Variants in CTNND2 observed in about 807,000 individuals in gnomAD.
The protein encoded by CTNND2 is catenin delta-2.
CTNND2 carries 22 observed loss-of-function variants against 144.4 expected under a neutral mutation model. The observed-to-expected ratio is 0.15, with a 90% CI of 0.11 to 0.22. The LOEUF (loss-of-function observed/expected upper bound fraction) is 0.22. Ranked by LOEUF, CTNND2 falls within the 10% of genes least tolerant of loss-of-function variation. The pLI, the probability that CTNND2 is intolerant of heterozygous loss-of-function variation, is 1.00. For synonymous variants in CTNND2, 751 were observed against 695.6 expected, an observed-to-expected ratio of 1.08 and a Z score of -1.25; for missense variants, 1,353 against 1,618.8, an observed-to-expected ratio of 0.84 and a Z score of 2.82.
chr5:11,388,814 T>C (rs901796862), intron 6 of CTNND2, among the ~76,000 whole-genome samples: 2 of 152,218 alleles, frequency 1.3e-5, no homozygotes, highest in Non-Finnish European at 2.9e-5. Flanking sequence ...TTCCAACACA[T>C]ACAGAATTGT....
chr5:11,298,901 T>C (rs770121357), intron 9 of CTNND2, among the ~76,000 whole-genome samples: 2 of 152,200 alleles, frequency 1.3e-5, no homozygotes, highest in Non-Finnish European at 2.9e-5. Flanking sequence ...TGATTTATAC[T>C]TGGTAAACAC....
chr5:11,739,343 C>T (rs1787867691), intron 1 of CTNND2, among the ~76,000 whole-genome samples: 1 of 152,122 alleles, frequency 6.6e-6, no homozygotes, highest in South Asian at 2.1e-4. Context: ...TGAGAGGAGA[C>T]CAGGTGAGTC....
intron 3 of CTNND2, among the ~76,000 whole-genome samples, chr5:11,479,257 T>C (rs1356653154): frequency 6.6e-6 from 1 of 152,200 alleles, no homozygotes; most frequent in Non-Finnish European, 1.5e-5. Flanking sequence ...GTAATTGGTT[T>C]TCTATTCTTG....
At chr5:11,273,847 G>C (rs147567158) in intron 9 of CTNND2, among the ~76,000 whole-genome samples, 2 of 152,240 alleles carry the variant, frequency 1.3e-5, no homozygotes, top group Admixed American at 6.5e-5. Context: ...AAAGTTGTGC[G>C]CCATCCTGAT....
At chr5:11,870,779 G>T (rs1278112990) in intron 1 of CTNND2, among the ~76,000 whole-genome samples, 2 of 152,184 alleles carry the variant, frequency 1.3e-5, no homozygotes, top group Non-Finnish European at 2.9e-5. Flanking sequence ...GTTAATGCCT[G>T]GAGGGAAACT....
At chr5:11,835,994 C>A (rs1396625282) in intron 1 of CTNND2, among the ~76,000 whole-genome samples, 1 of 152,088 alleles carries the variant, frequency 6.6e-6, no homozygotes, top group Non-Finnish European at 1.5e-5. Flanking sequence ...GCTTATGTCC[C>A]CAAATTTTTG....
Position 11,218,883 on chromosome 5 carries a change from AGGCACTC to A in CTNND2, c.1761+17801_1761+17807del, listed in dbSNP as rs1739494285. 2.0e-5 allele frequency among the ~76,000 whole-genome samples: 3 copies of A among 152,244 alleles called. No homozygotes were observed. In the South Asian group the frequency reaches 6.2e-4, roughly 32 times the overall value. ...GGATTGCTGGGTCTTTCTGGCAGAG[AGGCACTC>A]AGTCAATGTGCACAATTACAACAGG... On this transcript the variant is annotated intron_variant, in intron 10 of 21. Transcript: ENST00000304623.
chr5:11,018,707 CTTTTTTT>C (rs35528177), intron 17 of CTNND2, among the ~76,000 whole-genome samples: 1 of 129,606 alleles, frequency 7.7e-6, no homozygotes, highest in East Asian at 2.2e-4. Context: ...GGCCCTGACT[CTTTTTTT>C]TTTTTTTTTT....
chr5:11,597,324 A>G (rs1581584896), intron 2 of CTNND2, among the ~76,000 whole-genome samples: 1 of 152,304 alleles, frequency 6.6e-6, no homozygotes, highest in African/African-American at 2.4e-5. Flanking sequence ...TTAGGTGTCC[A>G]CAGGCTTTGC....
At chr5:10,978,767 C>T (rs985848326) in intron 21 of CTNND2, among the ~76,000 whole-genome samples, 5 of 152,230 alleles carry the variant, frequency 3.3e-5, no homozygotes, top group African/African-American at 1.2e-4. Flanking sequence ...GAGACTGAGT[C>T]AAGCACATTC....
At chr5:11,870,026 C>T (rs6554653) in intron 1 of CTNND2, among the ~76,000 whole-genome samples, 79,893 of 151,980 alleles carry the variant, frequency 0.53, 21,224 homozygotes, top group South Asian at 0.64. Context: ...CAAATACTTA[C>T]ACATAGACTG....
chr5:11,133,056 A>G (rs924508119), intron 12 of CTNND2, among the ~76,000 whole-genome samples: 1 of 152,230 alleles, frequency 6.6e-6, no homozygotes, highest in Admixed American at 6.5e-5. Context: ...TTTTTGGCTA[A>G]TGGTTACTTA....
chr5:11,131,505 C>A (rs915729081), intron 12 of CTNND2, among the ~76,000 whole-genome samples: 1 of 152,132 alleles, frequency 6.6e-6, no homozygotes, highest in South Asian at 2.1e-4. Context: ...ACAGCCTTTC[C>A]GGCTGGGCAC....
chr5:11,695,894 A>G (rs1006657967), intron 2 of CTNND2, among the ~76,000 whole-genome samples: 1 of 152,260 alleles, frequency 6.6e-6, no homozygotes. Flanking sequence ...ACTTAACTAT[A>G]TAATGAGTAT....
chr5:11,111,771 A>G (rs928995414), intron 13 of CTNND2, among the ~76,000 whole-genome samples: 1 of 152,120 alleles, frequency 6.6e-6, no homozygotes, highest in Non-Finnish European at 1.5e-5. Context: ...CAGGTCCCAC[A>G]TCTTAGGTTC....
At chr5:11,712,523 A>C (rs1786088707) in intron 2 of CTNND2, among the ~76,000 whole-genome samples, 1 of 152,200 alleles carries the variant, frequency 6.6e-6, no homozygotes, top group South Asian at 2.1e-4. Context: ...AATAAAGGGC[A>C]TACAGCAGTG....
rs1735964473 is a variant in CTNND2 at position 10,972,718 on chromosome 5, T to C, written c.*735A>G. On this transcript the variant is annotated 3_prime_UTR_variant, in exon 22 of 22. Coordinates refer to ENST00000304623, the MANE Select transcript of CTNND2 (RefSeq NM_001332.4). ...AACTGCTGAATGCCTTGTTTAGTTG[T>C]CACAAACAAATTCACATATCAGAAC... is the stretch of plus-strand genomic sequence containing the variant. 1 of 152,454 alleles carries C rather than the reference T, an allele frequency of 6.6e-6. No individual in the cohort carries two copies. Among genetic ancestry groups the C allele is most frequent in the Admixed American group, 6.5e-5 (1 of 15,268 alleles). The allele number at this position is 152,454 out of a possible 1,614,324, so 9.4% of individuals were successfully genotyped here. A position where few individuals can be genotyped will look rare whatever the true frequency, so the allele number is the denominator to read the frequency against.
At chr5:11,665,578 T>A (rs1186285191) in intron 2 of CTNND2, among the ~76,000 whole-genome samples, 1 of 152,222 alleles carries the variant, frequency 6.6e-6, no homozygotes, top group Non-Finnish European at 1.5e-5. Flanking sequence ...TTCAATGCTA[T>A]ACGGAATATC....
Position 10,992,583 on chromosome 5 carries a change from G to A in CTNND2, c.3179C>T (p.Ser1060Phe). ...PYSSSRTPSI[S>F]PVRVSPNNRS... ...GTTGTTGGGAGACACGCGCACAGGG[G>A]AGATGGAGGGCGTGCGGGAGGAGGA... is the stretch of plus-strand genomic sequence containing the variant. The change falls in exon 19 of 22, where the codon TCC (serine) becomes TTC (phenylalanine). Residue 1060 changes from serine (S) to phenylalanine (F), a missense_variant. Coordinates refer to ENST00000304623, the MANE Select transcript of CTNND2 (RefSeq NM_001332.4). 1 of 1,614,152 alleles carries A rather than the reference G, an allele frequency of 6.2e-7. No individual in the cohort carries two copies. The highest frequency in any genetic ancestry group is 8.5e-7 in the Non-Finnish European group (1 of 1,180,028).
Sources: gnomAD v4.1 joint callset for allele counts (sites outside exome capture counted in the v4.1 genomes callset) on GRCh38, gnomAD v4.1.1 for gene constraint, MANE v1.5 for transcripts, NCBI Gene and HGNC (gene_info 2026-07-23, HGNC 2026-07-21) for gene names.